Variants in ZFAT observed in about 807,000 individuals in gnomAD.
ZFAT encodes zinc finger and AT-hook domain containing, also known as zinc finger protein ZFAT.
ZFAT carries 64 observed loss-of-function variants against 117.7 expected under a neutral mutation model. That is an observed-to-expected ratio of 0.54 (90% CI 0.44 to 0.67). The LOEUF (loss-of-function observed/expected upper bound fraction) is 0.67, where lower values mean the gene tolerates loss of function less well. ZFAT is among the 30% of genes least tolerant of loss of function. The probability of loss-of-function intolerance (pLI) is 0.00; values close to 1 mark genes in which losing one functional copy is unlikely to be tolerated. For synonymous variants in ZFAT, 679 were observed against 615.0 expected, an observed-to-expected ratio of 1.10 and a Z score of -1.54; for missense variants, 1,433 against 1,584.5, an observed-to-expected ratio of 0.90 and a Z score of 1.62.
chr8:134,619,242 T>A (rs1325295256), intron 3 of ZFAT, among the ~76,000 whole-genome samples: 2 of 151,782 alleles, frequency 1.3e-5, no homozygotes, highest in East Asian at 3.9e-4. Flanking sequence ...AAAGCCTATT[T>A]TATAATAATA....
chr8:134,774,009 T>TGAGACGGCA, the ZFAT span, among the ~76,000 whole-genome samples: 1 of 135,160 alleles, frequency 7.4e-6, no homozygotes, highest in African/African-American at 2.7e-5. Flanking sequence ...TTTTTTTTTT[T>TGAGACGGCA]TTTGAGACGG....
chr8:134,742,685 G>A, the ZFAT span, among the ~76,000 whole-genome samples: 3 of 152,170 alleles, frequency 2.0e-5, no homozygotes, highest in African/African-American at 7.2e-5. Flanking sequence ...GCAAGTCTGT[G>A]AGCTCTGGCC....
At chr8:134,579,287 T>A (rs1339020735) in intron 10 of ZFAT, among the ~76,000 whole-genome samples, 1 of 152,174 alleles carries the variant, frequency 6.6e-6, no homozygotes, top group Non-Finnish European at 1.5e-5. Flanking sequence ...GATAAAGACA[T>A]ACCTGAGTCT....
At chr8:134,714,311 T>G (rs111632568), upstream of ZFAT, among the ~76,000 whole-genome samples, 233 of 152,314 alleles carry the variant, frequency 1.5e-3, 1 homozygote, top group African/African-American at 5.4e-3. Flanking sequence ...AGCTCTGGTC[T>G]CACTGGCCTA....
intron 5 of ZFAT, among the ~76,000 whole-genome samples, chr8:134,605,342 C>T (rs1415150050): frequency 2.0e-5 from 3 of 152,018 alleles, no homozygotes; most frequent in Admixed American, 6.6e-5. Flanking sequence ...GTCAGGAGAT[C>T]GAGACCATCC....
chr8:134,728,990 A>G, the ZFAT span, among the ~76,000 whole-genome samples: 1 of 152,152 alleles, frequency 6.6e-6, no homozygotes, highest in Admixed American at 6.5e-5. Flanking sequence ...TTGTGGCAAT[A>G]TACTATACAC....
Position 134,608,715 on chromosome 8 carries a change from A to G in ZFAT, c.785+14T>C. ...CAACCTCTGGCTGAAGTTACACAGA[A>G]CAAAACACTTTACCTGCTTGACTTC... On this transcript the variant is annotated intron_variant, in intron 5 of 15. Coordinates refer to ENST00000377838, the MANE Select transcript of ZFAT (RefSeq NM_020863.4). The G allele has an allele frequency of 6.2e-7, 1 of 1,609,098 alleles. No homozygotes were observed. The highest frequency in any genetic ancestry group is 1.1e-5 in the South Asian group (1 of 89,826).
At chr8:134,634,906 T>G (rs954841113) in intron 3 of ZFAT, among the ~76,000 whole-genome samples, 36 of 151,786 alleles carry the variant, frequency 2.4e-4, no homozygotes, top group African/African-American at 8.7e-4. Flanking sequence ...GATGGCGGGG[T>G]GGGGTGGTTT....
rs1039302187 is a variant in ZFAT, at chr8:134,496,894, G to A, written c.3492+12725C>T. Among the ~76,000 whole-genome samples the A allele has an allele frequency of 2.6e-5, 4 of 152,248 alleles. No homozygotes were observed. In the East Asian group the frequency reaches 7.7e-4, roughly 29 times the overall value. On this transcript the variant is annotated intron_variant, in intron 15 of 15. Coordinates refer to ENST00000377838, the MANE Select transcript of ZFAT (RefSeq NM_020863.4). The stretch of plus-strand genomic sequence containing the variant: ...CCTTCCTAATTGCCCCCTCAGGGCA[G>A]GAAGGACCTGACAATCCAACAGCTG...
intron 1 of ZFAT, among the ~76,000 whole-genome samples, chr8:134,668,224 TA>T (rs1395919465): frequency 1.3e-5 from 2 of 152,172 alleles, no homozygotes. Context: ...TCTGCAGACT[TA>T]AAAATGTCCC....
intron 1 of ZFAT, among the ~76,000 whole-genome samples, chr8:134,704,580 TG>T (rs1834098488): frequency 6.6e-6 from 1 of 152,226 alleles, no homozygotes; most frequent in Admixed American, 6.5e-5. Context: ...CTCCAAAAAG[TG>T]TTCTCTTGCT....
intron 3 of ZFAT, among the ~76,000 whole-genome samples, chr8:134,614,362 T>C (rs932055194): frequency 6.6e-6 from 1 of 151,976 alleles, no homozygotes; most frequent in Non-Finnish European, 1.5e-5. Context: ...CAGACATGCA[T>C]TGCACAACGT....
chr8:134,620,280 C>T (rs1050314032), intron 3 of ZFAT, among the ~76,000 whole-genome samples: 2 of 152,188 alleles, frequency 1.3e-5, no homozygotes, highest in Non-Finnish European at 2.9e-5. Flanking sequence ...GTAAGGCTGG[C>T]ATTTGCTCTG....
At chr8:134,709,284 A>G (rs1325791883) in intron 1 of ZFAT, among the ~76,000 whole-genome samples, 1 of 152,218 alleles carries the variant, frequency 6.6e-6, no homozygotes, top group Non-Finnish European at 1.5e-5. Context: ...GTACACTGGG[A>G]AGTCTGGTTC....
chr8:134,637,396 C>T (rs1248786739), intron 3 of ZFAT, 65 bp downstream of exon 3: 2 of 1,550,662 alleles, frequency 1.3e-6, no homozygotes, highest in Non-Finnish European at 1.8e-6. Flanking sequence ...CCCAGTGAAA[C>T]CTGATATTAG....
chr8:134,668,594 C>T (rs112832059), intron 1 of ZFAT, among the ~76,000 whole-genome samples: 1 of 152,178 alleles, frequency 6.6e-6, no homozygotes, highest in Non-Finnish European at 1.5e-5. Context: ...ACACCAAAAC[C>T]CCATCTGTAC....
chr8:134,743,605 G>A, the ZFAT span, among the ~76,000 whole-genome samples: 2 of 152,188 alleles, frequency 1.3e-5, no homozygotes, highest in Non-Finnish European at 2.9e-5. Flanking sequence ...GTGTTTCTTG[G>A]AAGAATCACT....
the ZFAT span, among the ~76,000 whole-genome samples, chr8:134,804,045 A>G: frequency 3.7e-3 from 559 of 152,366 alleles, 5 homozygotes; most frequent in African/African-American, 0.013. Context: ...AACAGAAATA[A>G]AATAACAATT....
chr8:134,569,723 A>C (rs1321063938), intron 10 of ZFAT, among the ~76,000 whole-genome samples: 1 of 152,106 alleles, frequency 6.6e-6, no homozygotes, highest in Non-Finnish European at 1.5e-5. Context: ...CTGCGGGTGC[A>C]TACAGGTGAC....
Sources: allele counts gnomAD v4.1 joint callset (sites outside exome capture counted in the v4.1 genomes callset), GRCh38; gene constraint gnomAD v4.1.1; transcripts MANE v1.5; gene names NCBI Gene and HGNC (gene_info 2026-07-23, HGNC 2026-07-21).